Variants in PTPRG observed in about 807,000 individuals in gnomAD.
PTPRG encodes receptor-type tyrosine-protein phosphatase gamma.
In PTPRG, 102 loss-of-function variants were observed where a neutral mutation model predicts 165.3. The ratio of observed to expected loss-of-function variants is 0.62; its 90% CI spans 0.53 to 0.73. PTPRG has a LOEUF of 0.73. PTPRG is among the 30% of genes least tolerant of loss of function. PTPRG has a pLI of 0.00. For missense variants in PTPRG, 1,866 were observed against 1,861.4 expected, an observed-to-expected ratio of 1.00 and a Z score of -0.05; for synonymous variants, 675 against 669.5, an observed-to-expected ratio of 1.01 and a Z score of -0.13.
At chr3:61,787,590 T>C (rs1416807766) in intron 2 of PTPRG, among the ~76,000 whole-genome samples, 1 of 152,214 alleles carries the variant, frequency 6.6e-6, no homozygotes, top group African/African-American at 2.4e-5. Flanking sequence ...GTCCGCTTTA[T>C]TAGGTCCTTC....
intron 4 of PTPRG, among the ~76,000 whole-genome samples, chr3:62,060,274 C>T (rs570110665): frequency 5.9e-5 from 9 of 151,510 alleles, no homozygotes; most frequent in African/African-American, 2.2e-4. Context: ...GAATGAGTTG[C>T]ACCTTTAGTG....
chr3:61,994,023 C>T (rs1436924965), intron 3 of PTPRG, among the ~76,000 whole-genome samples: 2 of 152,216 alleles, frequency 1.3e-5, no homozygotes, highest in Admixed American at 6.5e-5. Context: ...CGAAAGTTGT[C>T]TAAAATATCT....
At chr3:62,173,881 A>T (rs1170170625) in intron 8 of PTPRG, among the ~76,000 whole-genome samples, 1 of 152,220 alleles carries the variant, frequency 6.6e-6, no homozygotes, top group Non-Finnish European at 1.5e-5. Flanking sequence ...GCCAAGCACA[A>T]GAGGCAGGGC....
intron 4 of PTPRG, among the ~76,000 whole-genome samples, chr3:62,038,047 A>G (rs967409701): frequency 6.6e-6 from 1 of 152,198 alleles, no homozygotes; most frequent in African/African-American, 2.4e-5. Context: ...AAGGAGTGTC[A>G]AGTCAAATAG....
intron 6 of PTPRG, among the ~76,000 whole-genome samples, chr3:62,153,647 A>G (rs1036707020): frequency 6.6e-6 from 1 of 152,234 alleles, no homozygotes; most frequent in African/African-American, 2.4e-5. Context: ...TAAAAGTAAC[A>G]ACAATGAGAG....
At chr3:61,866,554 A>G (rs2037413017) in intron 2 of PTPRG, among the ~76,000 whole-genome samples, 1 of 132,678 alleles carries the variant, frequency 7.5e-6, no homozygotes, top group Non-Finnish European at 1.6e-5. Context: ...ACTTACACAG[A>G]GCTTCCCTGG....
chr3:61,587,581 T>A (rs1361162501), intron 1 of PTPRG, among the ~76,000 whole-genome samples: 1 of 152,250 alleles, frequency 6.6e-6, no homozygotes, highest in African/African-American at 2.4e-5. Flanking sequence ...ACAGACCTTA[T>A]TCAAATTTAG....
intron 2 of PTPRG, among the ~76,000 whole-genome samples, chr3:61,813,344 A>G (rs2035648110): frequency 6.7e-6 from 1 of 150,084 alleles, no homozygotes; most frequent in African/African-American, 2.5e-5. Context: ...AAAAAAAAAA[A>G]AATAGAAAAA....
chr3:61,789,206 C>T (rs764087152), intron 2 of PTPRG, among the ~76,000 whole-genome samples: 5 of 151,996 alleles, frequency 3.3e-5, no homozygotes, highest in Non-Finnish European at 7.4e-5. Flanking sequence ...CTCAGGTGAT[C>T]CTCCCATCTC....
intron 23 of PTPRG, among the ~76,000 whole-genome samples, chr3:62,275,292 G>A (rs1301780684): frequency 1.3e-5 from 2 of 152,232 alleles, no homozygotes; most frequent in African/African-American, 4.8e-5. Flanking sequence ...TGATTAGCTC[G>A]TAATCAATAG....
At chr3:61,909,334 T>A (rs1330790461) in intron 2 of PTPRG, among the ~76,000 whole-genome samples, 3 of 152,104 alleles carry the variant, frequency 2.0e-5, no homozygotes, top group African/African-American at 7.2e-5. Context: ...TCAACACAGG[T>A]TTTAATTTTT....
At chr3:62,049,099 A>G (rs1421529420) in intron 4 of PTPRG, among the ~76,000 whole-genome samples, 2 of 149,924 alleles carry the variant, frequency 1.3e-5, no homozygotes, top group East Asian at 3.9e-4. Flanking sequence ...GAAGATCCTA[A>G]AAAGTAAAAA....
Position 62,068,055 on chromosome 3 carries a change from A to G in PTPRG, c.520-10108A>G, listed in dbSNP as rs1481891708. On this transcript the variant is annotated intron_variant, in intron 4 of 29. Transcript: ENST00000474889. ...TTTAAGTAAGTGGGCTCTACAAGCA[A>G]ATGCCTAGATTTGAGTCCCAGTGTT... 5.3e-5 allele frequency among the ~76,000 whole-genome samples: 8 copies of G among 152,302 alleles called. No individual in the cohort carries two copies. In the South Asian group the frequency reaches 1.2e-3, roughly 24 times the overall value.
At chr3:61,840,727 G>T (rs1325158611) in intron 2 of PTPRG, among the ~76,000 whole-genome samples, 14 of 149,680 alleles carry the variant, frequency 9.4e-5, no homozygotes, top group African/African-American at 3.2e-4. Context: ...CAATGCACAA[G>T]TAAACAAATA....
At chr3:62,162,747 C>T (rs1704815515) in intron 7 of PTPRG, among the ~76,000 whole-genome samples, 3 of 152,216 alleles carry the variant, frequency 2.0e-5, no homozygotes, top group African/African-American at 7.2e-5. Context: ...ATCCATTTCT[C>T]CACTGCAGTG....
intron 2 of PTPRG, among the ~76,000 whole-genome samples, chr3:61,981,772 A>G (rs1298213517): frequency 6.6e-6 from 1 of 152,182 alleles, no homozygotes; most frequent in Non-Finnish European, 1.5e-5. Flanking sequence ...ATCTAATGTA[A>G]CCCTGTAATT....
intron 1 of PTPRG, among the ~76,000 whole-genome samples, chr3:61,578,364 T>A (rs933393993): frequency 6.6e-6 from 1 of 152,196 alleles, no homozygotes; most frequent in Non-Finnish European, 1.5e-5. Flanking sequence ...GCTTTATAAT[T>A]TCATGTATTT....
At chr3:62,238,868 GATATA>G (rs1324855124) in intron 14 of PTPRG, among the ~76,000 whole-genome samples, 1 of 152,122 alleles carries the variant, frequency 6.6e-6, no homozygotes, top group Non-Finnish European at 1.5e-5. Context: ...GTGTCAGAAA[GATATA>G]TGCTGCAAAT....
chr3:62,061,571 C>T (rs754670409), intron 4 of PTPRG, among the ~76,000 whole-genome samples: 1 of 152,034 alleles, frequency 6.6e-6, no homozygotes, highest in Non-Finnish European at 1.5e-5. Context: ...GTTATTAACC[C>T]CTTTGCTAAC....
Sources: gnomAD v4.1 joint callset for allele counts (sites outside exome capture counted in the v4.1 genomes callset) on GRCh38, gnomAD v4.1.1 for gene constraint, MANE v1.5 for transcripts, NCBI Gene and HGNC (gene_info 2026-07-23, HGNC 2026-07-21) for gene names.